Variants in IPMK observed in about 807,000 individuals in gnomAD.
IPMK encodes the protein inositol polyphosphate multikinase.
Under a neutral mutation model 45.8 loss-of-function variants are expected in IPMK, and 17 were observed. That is an observed-to-expected ratio of 0.37 (90% CI 0.25 to 0.56). The LOEUF is 0.56. Among genes scored for constraint, IPMK ranks in the 20% least tolerant of loss-of-function variants. IPMK has a pLI of 0.79. For synonymous variants in IPMK, 180 were observed against 184.3 expected (o/e 0.98, Z 0.19); for missense variants, 399 against 498.0 (o/e 0.80, Z 1.89).
rs553545990 is a variant in IPMK, at chr10:58,255,274, A to G, written c.190+12148T>C. 5.3e-5 allele frequency among the ~76,000 whole-genome samples: 8 copies of G among 152,296 alleles called. No homozygotes were observed. In the East Asian group the frequency reaches 1.2e-3, roughly 22 times the overall value. Reference sequence around the variant, plus strand: ...TGGTTCAGCCCTTCTGGCATTTCCAATGGTTCCTGTGACATGGAGCTGGAG... The same window carrying G: ...TGGTTCAGCCCTTCTGGCATTTCCAGTGGTTCCTGTGACATGGAGCTGGAG... On this transcript the variant is annotated intron_variant, in intron 1 of 5. Coordinates refer to ENST00000373935, the MANE Select transcript of IPMK (RefSeq NM_152230.5).
At chr10:58,230,076 C>T (rs551036254) in intron 2 of IPMK, among the ~76,000 whole-genome samples, 5 of 152,174 alleles carry the variant, frequency 3.3e-5, no homozygotes, top group African/African-American at 1.2e-4. Flanking sequence ...AGTCTGAGAT[C>T]GAACTGCGAG....
At chr10:58,228,271 T>C (rs2132159709) in intron 2 of IPMK, among the ~76,000 whole-genome samples, 1 of 152,248 alleles carries the variant, frequency 6.6e-6, no homozygotes, top group South Asian at 2.1e-4. Context: ...TATTTATACA[T>C]GAAAAAGATA....
At chr10:58,242,446 C>T (rs370648387) in intron 1 of IPMK, among the ~76,000 whole-genome samples, 4 of 129,668 alleles carry the variant, frequency 3.1e-5, no homozygotes, top group South Asian at 2.4e-4. Context: ...GGCGACAGAG[C>T]GAGACTCCGT....
Position 58,261,442 on chromosome 10 carries a change from T to C in IPMK, c.190+5980A>G, listed in dbSNP as rs144504883. On this transcript the variant is annotated intron_variant, in intron 1 of 5. Transcript: ENST00000373935. ...ATGTTATAAGCTTTCAAATATATAATCAAACAAACAAAATTTGAGGAAGCA... is the reference window on the plus strand; with the variant it reads ...ATGTTATAAGCTTTCAAATATATAACCAAACAAACAAAATTTGAGGAAGCA... Among the ~76,000 whole-genome samples the C allele has an allele frequency of 9.1e-3, 1,387 of 151,922 alleles. 15 individuals carry two copies. Among genetic ancestry groups the C allele is most frequent in the African/African-American group, 0.03 (1,243 of 41,402 alleles).
intron 4 of IPMK, among the ~76,000 whole-genome samples, chr10:58,214,617 A>G (rs1230672271): frequency 6.6e-6 from 1 of 152,128 alleles, no homozygotes; most frequent in African/African-American, 2.4e-5. Flanking sequence ...ATCAAATTCA[A>G]TTTTGCTATT....
intron 1 of IPMK, among the ~76,000 whole-genome samples, chr10:58,260,485 G>A (rs1396916385): frequency 6.6e-6 from 1 of 152,134 alleles, no homozygotes; most frequent in Non-Finnish European, 1.5e-5. Context: ...TTAGAGAAAA[G>A]GGGTCATGAT....
chr10:58,218,034 C>A (rs1412578971), intron 3 of IPMK, among the ~76,000 whole-genome samples: 1 of 152,136 alleles, frequency 6.6e-6, no homozygotes, highest in African/African-American at 2.4e-5. Context: ...AGGAATAAAT[C>A]TTCTCCTTCA....
rs1291507401 is a variant in IPMK, at chr10:58,202,282, G to A, written c.547-2961C>T. On this transcript the variant is annotated intron_variant, in intron 4 of 5. Transcript: ENST00000373935. ...TAAGAAGTCAGTATCTGGCTTCAAC[G>A]CTTCAAAGGACAGGCTAACTCTCTT... Among the ~76,000 whole-genome samples the A allele has an allele frequency of 2.6e-5, 4 of 152,276 alleles. No individual in the cohort carries two copies. The East Asian group carries it at 7.7e-4, about 29-fold the overall frequency.
At chr10:58,225,220 A>C (rs1269210633) in intron 3 of IPMK, among the ~76,000 whole-genome samples, 6 of 152,202 alleles carry the variant, frequency 3.9e-5, no homozygotes, top group Non-Finnish European at 8.8e-5. Flanking sequence ...TGAGAGAATT[A>C]GAGTTTATAA....
rs557429117 is a variant in IPMK at position 58,262,067 on chromosome 10, G to A, written c.190+5355C>T. ...ACGAGAACACTTGGACACAGGGCAG[G>A]GAACATCACACACCGGGGCCTGTCG... On this transcript the variant is annotated intron_variant, in intron 1 of 5. Coordinates refer to ENST00000373935, the MANE Select transcript of IPMK (RefSeq NM_152230.5). 3.8e-4 allele frequency among the ~76,000 whole-genome samples: 58 copies of A among 152,234 alleles called. 2 individuals are homozygous for A. Among genetic ancestry groups the A allele is most frequent in the African/African-American group, 1.3e-3 (55 of 41,538 alleles).
chr10:58,244,288 C>T (rs28603054), intron 1 of IPMK, among the ~76,000 whole-genome samples: 44,389 of 118,856 alleles, frequency 0.37, 9,453 homozygotes, highest in African/African-American at 0.64. Context: ...GCCGCCCCGT[C>T]GGGGAAGTGG....
At chr10:58,227,270 A>G in intron 2 of IPMK, 131 bp from the exon 3 acceptor site, 2 of 633,356 alleles carry the variant, frequency 3.2e-6, no homozygotes, top group Non-Finnish European at 5.4e-6. Flanking sequence ...AATTTGGAAC[A>G]AGCAAAAAAT....
chr10:58,248,128 C>G (rs1398224163), intron 1 of IPMK, among the ~76,000 whole-genome samples: 1 of 151,982 alleles, frequency 6.6e-6, no homozygotes, highest in Non-Finnish European at 1.5e-5. Context: ...AACCCACCAC[C>G]TACTGATAAA....
chr10:58,232,845 A>G (rs1253130251), intron 2 of IPMK, among the ~76,000 whole-genome samples: 1 of 152,136 alleles, frequency 6.6e-6, no homozygotes, highest in Non-Finnish European at 1.5e-5. Context: ...CAGAGCTGAA[A>G]GGGACAGACA....
At chr10:58,200,329 G>A (rs1036751736) in intron 4 of IPMK, among the ~76,000 whole-genome samples, 2 of 152,064 alleles carry the variant, frequency 1.3e-5, no homozygotes, top group Non-Finnish European at 2.9e-5. Context: ...ATGTTGGCCA[G>A]GCTGGTCTCA....
intron 1 of IPMK, among the ~76,000 whole-genome samples, chr10:58,258,695 AAATTTGTG>A (rs1166789703): frequency 6.6e-5 from 10 of 152,314 alleles, no homozygotes; most frequent in African/African-American, 2.2e-4. Context: ...ATCTATATCA[AAATTTGTG>A]AAACGCAGCT....
chr10:58,198,322 T>C (rs1392597907), intron 5 of IPMK, among the ~76,000 whole-genome samples: 1 of 152,214 alleles, frequency 6.6e-6, no homozygotes, highest in Non-Finnish European at 1.5e-5. Context: ...TAGGCCTTTT[T>C]AAAAACTATG....
At chr10:58,231,305 T>C (rs920766859) in intron 2 of IPMK, among the ~76,000 whole-genome samples, 1 of 152,020 alleles carries the variant, frequency 6.6e-6, no homozygotes, top group Non-Finnish European at 1.5e-5. Flanking sequence ...AGGCCAACAT[T>C]TAAATTCAGG....
chr10:58,233,532 A>G (rs1232400082), intron 2 of IPMK, among the ~76,000 whole-genome samples: 1 of 152,216 alleles, frequency 6.6e-6, no homozygotes, highest in Non-Finnish European at 1.5e-5. Flanking sequence ...GCAAATCAAT[A>G]AACGTAATCC....
Sources: allele counts gnomAD v4.1 joint callset (sites outside exome capture counted in the v4.1 genomes callset), GRCh38; gene constraint gnomAD v4.1.1; transcripts MANE v1.5; gene names NCBI Gene and HGNC (gene_info 2026-07-23, HGNC 2026-07-21).